The following COL28A1 variants were observed in gnomAD, a reference collection of about 807,000 sequenced individuals.
COL28A1 encodes the protein collagen type XXVIII alpha 1 chain, also known as collagen alpha-1(XXVIII) chain.
Under a neutral mutation model 150.2 loss-of-function variants are expected in COL28A1, and 161 were observed. That is an observed-to-expected ratio of 1.07 (90% CI 0.94 to 1.22). COL28A1 has a LOEUF of 1.22. Ranked by LOEUF, COL28A1 falls within the 50% of genes most tolerant of loss-of-function variation. The pLI is 0.00. For synonymous variants in COL28A1, 552 were observed against 469.7 expected, an observed-to-expected ratio of 1.18 and a Z score of -2.26; for missense variants, 1,617 against 1,388.3, an observed-to-expected ratio of 1.16 and a Z score of -2.62.
At chr7:7,382,505 C>T (rs1781927763) in intron 27 of COL28A1, among the ~76,000 whole-genome samples, 1 of 151,978 alleles carries the variant, frequency 6.6e-6, no homozygotes, top group Non-Finnish European at 1.5e-5. Context: ...ATTTCTTGCC[C>T]CACCCAAACC....
At chr7:7,515,706 A>C in intron 8 of COL28A1, 108 bp downstream of exon 8, 1 of 739,530 alleles carries the variant, frequency 1.4e-6, no homozygotes, top group Non-Finnish European at 2.4e-6. Flanking sequence ...GAGGGAATCC[A>C]GACTTACAAA....
intron 16 of COL28A1, 79 bp downstream of exon 16, chr7:7,455,965 G>A: frequency 6.3e-7 from 1 of 1,582,590 alleles, no homozygotes; most frequent in South Asian, 1.2e-5. Flanking sequence ...ATAGATGTTT[G>A]CAGGACTGGC....
intron 13 of COL28A1, among the ~76,000 whole-genome samples, chr7:7,479,086 A>G (rs2128357640): frequency 6.6e-6 from 1 of 152,350 alleles, no homozygotes; most frequent in Non-Finnish European, 1.5e-5. Context: ...GAGGGCTGCC[A>G]GCACGCTGTC....
chr7:7,396,265 T>C (rs1246039405), intron 27 of COL28A1, among the ~76,000 whole-genome samples: 1 of 152,216 alleles, frequency 6.6e-6, no homozygotes, highest in Non-Finnish European at 1.5e-5. Flanking sequence ...CCATTTATTG[T>C]GTGCCCATGT....
At chr7:7,416,997 T>A (rs542509605) in intron 27 of COL28A1, among the ~76,000 whole-genome samples, 44 of 149,678 alleles carry the variant, frequency 2.9e-4, no homozygotes, top group East Asian at 9.7e-4. Context: ...ATGGTAAAAA[T>A]ATATATATAT....
intron 17 of COL28A1, 144 bp from the exon 18 acceptor site, chr7:7,452,531 A>G: frequency 8.0e-7 from 1 of 1,247,324 alleles, no homozygotes; most frequent in Non-Finnish European, 1.1e-6. Flanking sequence ...CCTTCGGGGG[A>G]TGGATTTGCA....
At chr7:7,517,973 C>T in intron 6 of COL28A1, 136 bp from the exon 7 acceptor site, 1 of 799,722 alleles carries the variant, frequency 1.3e-6, no homozygotes. Context: ...GACATTTTCA[C>T]TATGCAATCT....
intron 25 of COL28A1, among the ~76,000 whole-genome samples, chr7:7,421,058 A>G (rs1013656048): frequency 5.3e-5 from 8 of 152,252 alleles, no homozygotes; most frequent in African/African-American, 1.7e-4. Context: ...TAGCAGCATT[A>G]TACATAATCA....
chr7:7,499,577 G>C (rs1463595624), intron 11 of COL28A1, among the ~76,000 whole-genome samples: 1 of 152,094 alleles, frequency 6.6e-6, no homozygotes, highest in Non-Finnish European at 1.5e-5. Flanking sequence ...TAAATTATAA[G>C]GAATTATATC....
the COL28A1 span, among the ~76,000 whole-genome samples, chr7:7,350,781 C>T: frequency 6.8e-6 from 1 of 147,334 alleles, no homozygotes; most frequent in African/African-American, 2.5e-5. Flanking sequence ...CTTATTAAGA[C>T]GTACAAAAAA....
chr7:7,359,197 C>G (rs1343064966), intron 34 of COL28A1, among the ~76,000 whole-genome samples: 3 of 152,016 alleles, frequency 2.0e-5, no homozygotes, highest in African/African-American at 7.3e-5. Flanking sequence ...AATATTTCCA[C>G]TTTCTGTACA....
intron 27 of COL28A1, among the ~76,000 whole-genome samples, chr7:7,407,848 C>G (rs956061841): frequency 1.3e-5 from 2 of 151,932 alleles, no homozygotes; most frequent in African/African-American, 4.8e-5. Context: ...ACAACAATAT[C>G]AGGGTAAAGT....
intron 20 of COL28A1, among the ~76,000 whole-genome samples, chr7:7,442,109 A>G (rs546479324): frequency 6.6e-6 from 1 of 152,034 alleles, no homozygotes; most frequent in African/African-American, 2.4e-5. Flanking sequence ...TGTTCCTACC[A>G]CTCTTCTCCA....
upstream of COL28A1, among the ~76,000 whole-genome samples, chr7:7,537,766 C>T (rs188004552): frequency 5.9e-5 from 9 of 152,218 alleles, no homozygotes; most frequent in South Asian, 2.1e-4. Context: ...GAAATAACAA[C>T]GGAATTTCCT....
intron 25 of COL28A1, among the ~76,000 whole-genome samples, chr7:7,430,838 T>C (rs967435866): frequency 1.3e-5 from 2 of 152,216 alleles, no homozygotes; most frequent in Admixed American, 6.5e-5. Context: ...AGTTTATTGA[T>C]ACAGTTGAGG....
chr7:7,368,278 T>G (rs142620215), intron 33 of COL28A1, among the ~76,000 whole-genome samples: 297 of 152,256 alleles, frequency 2.0e-3, no homozygotes, highest in Middle Eastern at 0.014. Context: ...AAATTACCTG[T>G]CCAGCTTTAG....
At chr7:7,475,049 G>A (rs973192414) in intron 14 of COL28A1, among the ~76,000 whole-genome samples, 2 of 151,874 alleles carry the variant, frequency 1.3e-5, no homozygotes, top group African/African-American at 4.8e-5. Context: ...CATCACACAA[G>A]GAAAATTTAT....
Position 7,474,229 on chromosome 7 carries a change from G to A in COL28A1, c.1302+372C>T, listed in dbSNP as rs1366652805. Reference sequence around the variant, plus strand: ...ATTGTATGTTCTCACTCATATGTGGGAGCTAAGTTATGAGGACGCAAAGGC... The same window carrying A: ...ATTGTATGTTCTCACTCATATGTGGAAGCTAAGTTATGAGGACGCAAAGGC... On this transcript the variant is annotated intron_variant, in intron 15 of 34. Coordinates refer to ENST00000399429, the MANE Select transcript of COL28A1 (RefSeq NM_001037763.3). Among the ~76,000 whole-genome samples, 5 of 151,808 alleles carry A rather than the reference G, an allele frequency of 3.3e-5. No individual in the cohort carries two copies. In the East Asian group the frequency reaches 7.7e-4, roughly 23 times the overall value.
rs527796445 is a variant in COL28A1, at chr7:7,440,517, A to G, written c.1722+273T>C. Among the ~76,000 whole-genome samples the G allele has an allele frequency of 1.4e-4, 22 of 152,282 alleles. No individual in the cohort carries two copies. In the South Asian group the frequency reaches 2.5e-3, roughly 17 times the overall value. On this transcript the variant is annotated intron_variant, in intron 21 of 34. Coordinates refer to ENST00000399429, the MANE Select transcript of COL28A1 (RefSeq NM_001037763.3). The stretch of plus-strand genomic sequence containing the variant: ...CTCCTATGGTCCCAATTTTATCCCA[A>G]CTTCTGAATATTTGGTTGTTACTAG...
Sources: allele counts gnomAD v4.1 joint callset (sites outside exome capture counted in the v4.1 genomes callset), GRCh38; gene constraint gnomAD v4.1.1; transcripts MANE v1.5; gene names NCBI Gene and HGNC (gene_info 2026-07-23, HGNC 2026-07-21).